ANKRD33B: variants seen among roughly 807,000 people sequenced by gnomAD.
The protein encoded by ANKRD33B is ankyrin repeat domain-containing protein 33B.
In ANKRD33B, 6 loss-of-function variants were observed where a neutral mutation model predicts 21.5. The ratio of observed to expected loss-of-function variants is 0.28; its 90% CI spans 0.15 to 0.55. The LOEUF (loss-of-function observed/expected upper bound fraction) is 0.55, where lower values mean the gene tolerates loss of function less well. Ranked by LOEUF, ANKRD33B falls within the 20% of genes least tolerant of loss-of-function variation. The probability of loss-of-function intolerance (pLI) is 0.94; values close to 1 mark genes in which losing one functional copy is unlikely to be tolerated. For synonymous variants in ANKRD33B, 347 were observed against 342.4 expected, an observed-to-expected ratio of 1.01 and a Z score of -0.15; for missense variants, 698 against 747.2, an observed-to-expected ratio of 0.93 and a Z score of 0.77.
intron 1 of ANKRD33B, among the ~76,000 whole-genome samples, chr5:10,596,038 T>C (rs1735810254): frequency 6.6e-6 from 1 of 152,226 alleles, no homozygotes; most frequent in African/African-American, 2.4e-5. Context: ...GATCTTTGTT[T>C]TTGGCATAAG....
intron 1 of ANKRD33B, among the ~76,000 whole-genome samples, chr5:10,586,224 T>C (rs950975430): frequency 2.6e-5 from 4 of 151,986 alleles, no homozygotes; most frequent in African/African-American, 9.7e-5. Context: ...AGTCCCACAA[T>C]CCGCTTTGTG....
At chr5:10,610,504 A>G (rs1736146966) in intron 1 of ANKRD33B, among the ~76,000 whole-genome samples, 1 of 152,140 alleles carries the variant, frequency 6.6e-6, no homozygotes, top group Middle Eastern at 3.4e-3. Context: ...GCTCAGGTGC[A>G]TCAGGAGATA....
chr5:10,641,647 G>T (rs982395162), intron 3 of ANKRD33B, among the ~76,000 whole-genome samples: 1 of 152,018 alleles, frequency 6.6e-6, no homozygotes, highest in Admixed American at 6.6e-5. Context: ...TTTTTCTCGA[G>T]ATCAATCTGG....
In ANKRD33B at chr5:10,650,130, C is replaced by A. The variant is rs1553995853; in HGVS notation, c.*17C>A. 2 of 1,464,072 alleles carry A rather than the reference C, an allele frequency of 1.4e-6. No individual in the cohort carries two copies. The highest frequency in any genetic ancestry group is 2.7e-5 in the East Asian group (1 of 37,454). The allele number at this position is 1,464,072 out of a possible 1,614,324, so 90.7% of individuals were successfully genotyped here. A position where few individuals can be genotyped will look rare whatever the true frequency, so the allele number is the denominator to read the frequency against. On this transcript the variant is annotated 3_prime_UTR_variant, in exon 4 of 4. Transcript: ENST00000296657. ...AGGACGTGAGGGCCCGTGTGCCTGG[C>A]GCTGGGGCCGGGGCTGGGGCCGGGG...
intron 1 of ANKRD33B, among the ~76,000 whole-genome samples, chr5:10,615,847 G>A (rs1485762541): frequency 4.6e-5 from 7 of 152,132 alleles, no homozygotes; most frequent in Admixed American, 6.6e-5. Context: ...CAAGTTTTCC[G>A]GCACATTTAT....
At chr5:10,565,828 C>T (rs1195871489) in intron 1 of ANKRD33B, among the ~76,000 whole-genome samples, 2 of 152,188 alleles carry the variant, frequency 1.3e-5, no homozygotes, top group African/African-American at 4.8e-5. Flanking sequence ...GTCCAAGGAC[C>T]GTGGTATCTG....
intron 1 of ANKRD33B, among the ~76,000 whole-genome samples, chr5:10,587,778 T>A (rs2126557989): frequency 1.3e-5 from 2 of 152,338 alleles, no homozygotes; most frequent in Admixed American, 1.3e-4. Flanking sequence ...TAGGGGTATT[T>A]CTATATTAGA....
At position 10,650,808 on chromosome 5, in the gene ANKRD33B, CAT is replaced by C. The variant is rs1560990970; in HGVS notation, c.*698_*699del. ...CATATAGTAATATATTGAGGAAAAA[CAT>C]ATTGTCAAATTATAAAACAATGGAG... On this transcript the variant is annotated 3_prime_UTR_variant, in exon 4 of 4. Transcript: ENST00000296657. 2.6e-5 allele frequency: 4 copies of C among 152,338 alleles called. No homozygotes were observed. Among genetic ancestry groups the C allele is most frequent in the East Asian group, 1.9e-4 (1 of 5,342 alleles). 9.4% of individuals were successfully genotyped at this position (152,338 alleles called of 1,614,324 possible). A position where few individuals can be genotyped will look rare whatever the true frequency, so the allele number is the denominator to read the frequency against.
In ANKRD33B at chr5:10,570,645, C is replaced by T. The variant is rs143468824; in HGVS notation, c.366+5812C>T. Among the ~76,000 whole-genome samples, 228 of 152,282 alleles carry T rather than the reference C, an allele frequency of 1.5e-3. 2 individuals carry two copies. Among genetic ancestry groups the T allele is most frequent in the Admixed American group, 2.7e-3 (41 of 15,292 alleles). On this transcript the variant is annotated intron_variant, in intron 1 of 3. Coordinates refer to ENST00000296657, the MANE Select transcript of ANKRD33B (RefSeq NM_001164440.2). ...TAATCCTAGCTCACTGAGCCTTGAC[C>T]TCCTGGGCACAAATGAACCTCCCAC...
chr5:10,596,906 G>GA (rs201717935), intron 1 of ANKRD33B, among the ~76,000 whole-genome samples: 3 of 151,348 alleles, frequency 2.0e-5, no homozygotes, highest in Non-Finnish European at 3.0e-5. Flanking sequence ...CATTCTTAAA[G>GA]AAAAAAAAAT....
intron 3 of ANKRD33B, among the ~76,000 whole-genome samples, chr5:10,647,167 C>T (rs998230690): frequency 2.6e-5 from 4 of 151,440 alleles, no homozygotes; most frequent in East Asian, 1.9e-4. Context: ...TGCGGTGGTG[C>T]GATCTCGGCT....
At chr5:10,646,788 C>T (rs1737197094) in intron 3 of ANKRD33B, among the ~76,000 whole-genome samples, 1 of 152,128 alleles carries the variant, frequency 6.6e-6, no homozygotes, top group Admixed American at 6.5e-5. Flanking sequence ...AAATAATTAC[C>T]ACTCTTCTAA....
chr5:10,585,099 G>A (rs1042554058), intron 1 of ANKRD33B, among the ~76,000 whole-genome samples: 1 of 152,336 alleles, frequency 6.6e-6, no homozygotes, highest in Non-Finnish European at 1.5e-5. Flanking sequence ...CTCACAAAGG[G>A]AAGGACAGAC....
At chr5:10,613,838 T>C (rs531163952) in intron 1 of ANKRD33B, among the ~76,000 whole-genome samples, 1 of 150,948 alleles carries the variant, frequency 6.6e-6, no homozygotes, top group Admixed American at 6.6e-5. Context: ...AGGCGGAGGT[T>C]GCAGTGAGCC....
rs1480607430 is a variant in ANKRD33B, at chr5:10,649,674, G to A, written c.1046G>A (p.Arg349Gln). 3 of 1,526,268 alleles carry A rather than the reference G, an allele frequency of 2.0e-6. No individual in the cohort carries two copies. The highest frequency in any genetic ancestry group is 2.6e-6 in the Non-Finnish European group (3 of 1,142,008). 94.5% of individuals were successfully genotyped at this position (1,526,268 alleles called of 1,614,324 possible). Residue 349 changes from arginine (R) to glutamine (Q), a missense_variant, in exon 4 of 4, where the codon CGG (arginine) becomes CAG (glutamine). Physicochemically the swap from Arg to Gln is conservative, Grantham distance 43. This residue lies in a region of ANKRD33B where 543 missense variants were observed against 566.5 expected (regional missense o/e 0.96). Coordinates refer to ENST00000296657, the MANE Select transcript of ANKRD33B (RefSeq NM_001164440.2). Reference protein sequence around the residue: ...RLAVQEILAARAARGPQAQEE... With the variant: ...RLAVQEILAAQAARGPQAQEE... ...GCGGTGCAGGAGATCCTGGCGGCGC[G>A]GGCTGCACGGGGCCCCCAGGCGCAG...
chr5:10,614,354 C>CAG (rs1736238486), intron 1 of ANKRD33B, among the ~76,000 whole-genome samples: 1 of 152,190 alleles, frequency 6.6e-6, no homozygotes, highest in Non-Finnish European at 1.5e-5. Flanking sequence ...GACCAAATAC[C>CAG]TAGGTACTAC....
intron 1 of ANKRD33B, among the ~76,000 whole-genome samples, chr5:10,577,349 C>T (rs562851835): frequency 1.2e-4 from 19 of 152,164 alleles, no homozygotes; most frequent in Non-Finnish European, 2.6e-4. Flanking sequence ...AGGCATGTCT[C>T]GAACTCCTGA....
At chr5:10,627,473 C>T (rs181752201) in intron 2 of ANKRD33B, 3 of 152,264 alleles carry the variant, frequency 2.0e-5, no homozygotes, top group African/African-American at 7.2e-5. Flanking sequence ...TGCTGAGAGC[C>T]AGCCTGGCAG....
At chr5:10,606,726 C>T (rs1736053159) in intron 1 of ANKRD33B, among the ~76,000 whole-genome samples, 1 of 150,142 alleles carries the variant, frequency 6.7e-6, no homozygotes, top group Admixed American at 6.6e-5. Context: ...GAGCAAGACT[C>T]TGTCTTTTTT....
Sources: allele counts gnomAD v4.1 joint callset (sites outside exome capture counted in the v4.1 genomes callset), GRCh38; gene constraint gnomAD v4.1.1; regional missense constraint gnomAD v4.1.1; transcripts MANE v1.5; gene names NCBI Gene and HGNC (gene_info 2026-07-23, HGNC 2026-07-21).